PPP4R3B: variants seen among roughly 807,000 people sequenced by gnomAD.
PPP4R3B encodes protein phosphatase 4 regulatory subunit 3B.
A neutral mutation model predicts 95.4 loss-of-function variants in PPP4R3B; 52 were observed. The ratio of observed to expected loss-of-function variants is 0.54; its 90% CI spans 0.44 to 0.69. The LOEUF (loss-of-function observed/expected upper bound fraction) is 0.69, where lower values mean the gene tolerates loss of function less well. PPP4R3B is among the 30% of genes least tolerant of loss of function. PPP4R3B has a pLI of 0.00. For missense variants in PPP4R3B, 1,003 were observed against 1,005.9 expected, an observed-to-expected ratio of 1.00 and a Z score of 0.04; for synonymous variants, 407 against 343.9, an observed-to-expected ratio of 1.18 and a Z score of -2.03.
At chr2:55,610,790 A>G (rs1224370487) in intron 2 of PPP4R3B, among the ~76,000 whole-genome samples, 2 of 152,100 alleles carry the variant, frequency 1.3e-5, no homozygotes, top group Non-Finnish European at 1.5e-5. Flanking sequence ...CCTGCCTCCA[A>G]ATAAAACTGC....
At chr2:55,559,360 AAAAC>A (rs1686288555) in intron 15 of PPP4R3B, among the ~76,000 whole-genome samples, 2 of 152,244 alleles carry the variant, frequency 1.3e-5, no homozygotes, top group African/African-American at 4.8e-5. Context: ...AAAAACCAAA[AAAAC>A]AAAAAAAAAT....
At chr2:55,591,617 G>T in intron 4 of PPP4R3B, 4 of 984,220 alleles carry the variant, frequency 4.1e-6, no homozygotes, top group Non-Finnish European at 4.8e-6. Flanking sequence ...TAAGAAAAAA[G>T]TTCCAACTCC....
At chr2:55,569,305 C>T (rs201330795) in intron 12 of PPP4R3B, among the ~76,000 whole-genome samples, 3 of 152,010 alleles carry the variant, frequency 2.0e-5, no homozygotes, top group African/African-American at 4.8e-5. Context: ...CTTAGCAGAC[C>T]GGGAAAGGGA....
chr2:55,568,158 A>G (rs929800115), intron 13 of PPP4R3B, 36 bp downstream of exon 13: 5 of 1,334,822 alleles, frequency 3.7e-6, no homozygotes, highest in African/African-American at 3.0e-5. Flanking sequence ...TTTACATATA[A>G]TTACATATAA....
chr2:55,583,491 G>C (rs1259716721), intron 7 of PPP4R3B, among the ~76,000 whole-genome samples: 1 of 152,258 alleles, frequency 6.6e-6, no homozygotes, highest in African/African-American at 2.4e-5. Context: ...AGCTTGAAGA[G>C]TTAAGAATTC....
At chr2:55,577,030 T>C (rs1382861633) in intron 11 of PPP4R3B, among the ~76,000 whole-genome samples, 1 of 152,216 alleles carries the variant, frequency 6.6e-6, no homozygotes, top group African/African-American at 2.4e-5. Context: ...TTGGTTTTAG[T>C]TTACTACATT....
At chr2:55,610,885 T>A (rs1038841490) in intron 2 of PPP4R3B, among the ~76,000 whole-genome samples, 2 of 151,418 alleles carry the variant, frequency 1.3e-5, no homozygotes, top group African/African-American at 2.4e-5. Context: ...TTTTTTTTTT[T>A]GAGAGAGTCT....
rs146796112 is a variant in PPP4R3B, at chr2:55,605,643, C to T, written c.199-1567G>A. Among the ~76,000 whole-genome samples the T allele has an allele frequency of 7.6e-4, 116 of 152,244 alleles. 1 individual carries two copies. The highest frequency in any genetic ancestry group is 2.7e-3 in the African/African-American group (111 of 41,552). On this transcript the variant is annotated intron_variant, in intron 2 of 16. Transcript: ENST00000616407. ...TCAGTTCTGGCCAGGTGCGAAGGCT[C>T]ACACCTGTAATCCCAACACTTTGGG...
rs566154791 is a variant in PPP4R3B at position 55,594,145 on chromosome 2, A to C, written c.921+4271T>G. Among the ~76,000 whole-genome samples the C allele has an allele frequency of 4.6e-5, 7 of 152,220 alleles. No individual in the cohort carries two copies. In the East Asian group the frequency reaches 1.4e-3, roughly 29 times the overall value. On this transcript the variant is annotated intron_variant, in intron 4 of 16. Coordinates refer to ENST00000616407, the MANE Select transcript of PPP4R3B (RefSeq NM_001122964.3). ...GAAATAACAGACACTGGGAACTCCA[A>C]AAAGGGGTAGGATGGGAGAGGACTG...
rs558373371 is a variant in PPP4R3B at position 55,572,467 on chromosome 2, T to A, written c.1765+1152A>T. ...CAACAGATAAAAATGCAAAGTACAC[T>A]AATATATGAAAAGATGCTGTCAGGG... On this transcript the variant is annotated intron_variant, in intron 12 of 16. Coordinates refer to ENST00000616407, the MANE Select transcript of PPP4R3B (RefSeq NM_001122964.3). 8.5e-5 allele frequency among the ~76,000 whole-genome samples: 13 copies of A among 152,236 alleles called. No individual in the cohort carries two copies. In the East Asian group the frequency reaches 2.5e-3, roughly 29 times the overall value.
chr2:55,612,970 G>A (rs963456573), intron 2 of PPP4R3B, among the ~76,000 whole-genome samples: 23 of 151,440 alleles, frequency 1.5e-4, no homozygotes, highest in Non-Finnish European at 2.9e-4. Context: ...AATTAGTCAA[G>A]CATGGTGGCT....
rs559749293 is a variant in PPP4R3B at position 55,581,525 on chromosome 2, C to G, written c.1365+42G>C. The G allele has an allele frequency of 3.8e-6, 6 of 1,583,866 alleles. No individual in the cohort carries two copies. In the South Asian group the frequency reaches 5.8e-5, roughly 15 times the overall value. On this transcript the variant is annotated intron_variant, in intron 8 of 16. Coordinates refer to ENST00000616407, the MANE Select transcript of PPP4R3B (RefSeq NM_001122964.3). ...AATCTTATTACAAAGCCACCTAAAA[C>G]TGACTAGGCCAAAACATTTTTATCT...
intron 4 of PPP4R3B, among the ~76,000 whole-genome samples, chr2:55,590,700 TAA>T (rs1479110902): frequency 1.3e-5 from 2 of 152,186 alleles, no homozygotes; most frequent in Non-Finnish European, 2.9e-5. Context: ...TAACATGTTC[TAA>T]AAAAGTTTGT....
rs1688972268 is a variant in PPP4R3B at position 55,578,324 on chromosome 2, T to C, written c.1487A>G (p.Tyr496Cys). ...ACATATGAAACTCCAACTATATCTG[T>C]AATGTTTTAAAAAAAAATCTGAAAA... ...KCEKDFFLKHYRYSWSFICTP... is the reference protein window; with the variant it reads ...KCEKDFFLKHCRYSWSFICTP... Residue 496 changes from tyrosine to cysteine, a missense_variant, in exon 10 of 17, where the codon TAC becomes TGC. This residue lies in a region of PPP4R3B where 695 missense variants were observed against 686.2 expected (regional missense o/e 1.01). Transcript: ENST00000616407. The C allele has an allele frequency of 1.4e-6, 2 of 1,442,422 alleles. No individual in the cohort carries two copies. Among genetic ancestry groups the C allele is most frequent in the African/African-American group, 1.4e-5 (1 of 69,016 alleles). 89.4% of individuals were successfully genotyped at this position (1,442,422 alleles called of 1,614,324 possible).
chr2:55,615,365 T>A (rs1694748474), intron 2 of PPP4R3B, 86 bp downstream of exon 2: 5 of 967,850 alleles, frequency 5.2e-6, no homozygotes, highest in Non-Finnish European at 6.3e-6. Context: ...TTTTTTCTTG[T>A]CAGGAAAGCT....
In PPP4R3B at chr2:55,568,355, G is replaced by A; in HGVS notation, c.1774C>T (p.Arg592Cys). ...AGTCCAATTATCCGCCTCATAAAGC[G>A]AAGGGCACCTAATTAAAAATAATAT... ...KHTFLALCALRFMRRIIGLKD... is the reference protein window; with the variant it reads ...KHTFLALCALCFMRRIIGLKD... The change falls in exon 13 of 17, where the codon CGC becomes TGC. Residue 592 changes from arginine to cysteine, a missense_variant. Arg to Cys is a radical substitution (Grantham distance 180). Coordinates refer to ENST00000616407, the MANE Select transcript of PPP4R3B (RefSeq NM_001122964.3). 6.3e-7 allele frequency: 1 copy of A among 1,593,100 alleles called. No homozygotes were observed. The highest frequency in any genetic ancestry group is 2.3e-5 in the East Asian group (1 of 44,418).
rs1684936693 is a variant in PPP4R3B, at chr2:55,548,566, A to G, written c.*1345T>C. 6.6e-6 allele frequency: 1 copy of G among 152,660 alleles called. No individual in the cohort carries two copies. The highest frequency in any genetic ancestry group is 1.5e-5 in the Non-Finnish European group (1 of 68,042). The allele number at this position is 152,660 out of a possible 1,614,324, so 9.5% of individuals were successfully genotyped here. ...TCTTTTCCAAACAATAGCCAAAATT[A>G]AAATTAACTACAAAATCTCCAAAAC... On this transcript the variant is annotated 3_prime_UTR_variant, in exon 17 of 17. Coordinates refer to ENST00000616407, the MANE Select transcript of PPP4R3B (RefSeq NM_001122964.3).
chr2:55,558,161 G>T (rs1423208241), intron 16 of PPP4R3B, among the ~76,000 whole-genome samples: 1 of 152,072 alleles, frequency 6.6e-6, no homozygotes, highest in Non-Finnish European at 1.5e-5. Context: ...AACATAAACT[G>T]GCATAGACTT....
chr2:55,615,014 G>A (rs1488210404), intron 2 of PPP4R3B: 1 of 153,784 alleles, frequency 6.5e-6, no homozygotes, highest in Non-Finnish European at 1.4e-5. Context: ...AACAATTAAA[G>A]AGCAGGATTT....
Sources: gnomAD v4.1 joint callset for allele counts (sites outside exome capture counted in the v4.1 genomes callset) on GRCh38, gnomAD v4.1.1 for gene constraint, gnomAD v4.1.1 regional missense constraint, MANE v1.5 for transcripts, NCBI Gene and HGNC (gene_info 2026-07-23, HGNC 2026-07-21) for gene names.